Variants in NHSL2 observed in about 807,000 individuals in gnomAD.
NHSL2 encodes the protein NHS like 2, also known as NHS-like protein 2.
NHSL2 carries 27 observed loss-of-function variants against 53.4 expected under a neutral mutation model. The observed-to-expected ratio is 0.51, with a 90% CI of 0.37 to 0.70. The LOEUF is 0.70. NHSL2 is among the 30% of genes least tolerant of loss of function. The pLI is 0.00. For missense variants in NHSL2, 892 were observed against 980.1 expected (o/e 0.91, Z 1.20); for synonymous variants, 408 against 404.1 (o/e 1.01, Z -0.12).
rs952394930 is a variant in NHSL2, at chrX:72,133,075, A to C, written c.436+841A>C. Reference sequence around the variant, plus strand: ...GATAACAAAGGACTTGCCACACAGAAAAAGAGTCGATGTGCTCTGTGTTGC... The same window carrying C: ...GATAACAAAGGACTTGCCACACAGACAAAGAGTCGATGTGCTCTGTGTTGC... On this transcript the variant is annotated intron_variant, in intron 2 of 7. Transcript: ENST00000633930. Among the ~76,000 whole-genome samples, 4 of 112,492 alleles carry C rather than the reference A, an allele frequency of 3.6e-5. No homozygotes were observed. In the Admixed American group the frequency reaches 3.7e-4, roughly 10 times the overall value.
At chrX:72,137,009 CCA>C in intron 4 of NHSL2, 83 bp from the exon 5 acceptor site, 2 of 776,162 alleles carry the variant, frequency 2.6e-6, no homozygotes, top group Non-Finnish European at 3.7e-6. Flanking sequence ...ATCACGACTG[CCA>C]TCATTCTCTT....
intron 1 of NHSL2, among the ~76,000 whole-genome samples, chrX:71,991,848 C>CTCTCTCTCTG (rs776360819): frequency 2.0e-4 from 22 of 108,853 alleles, no homozygotes; most frequent in African/African-American, 6.7e-4. Context: ...CTCTCTCTCT[C>CTCTCTCTCTG]TCTGTCTTTG....
intron 1 of NHSL2, among the ~76,000 whole-genome samples, chrX:71,980,187 A>G (rs1354781115): frequency 9.0e-6 from 1 of 111,630 alleles, no homozygotes; most frequent in African/African-American, 3.3e-5. Context: ...GTTTGAAGTC[A>G]GGTAGTGTGA....
At chrX:72,060,671 C>T (rs773748099) in intron 1 of NHSL2, among the ~76,000 whole-genome samples, 3 of 112,245 alleles carry the variant, frequency 2.7e-5, no homozygotes, top group African/African-American at 9.7e-5. Flanking sequence ...GACTCCTCAT[C>T]GACAAACATA....
At chrX:72,052,365 T>C (rs1294942883) in intron 1 of NHSL2, among the ~76,000 whole-genome samples, 3 of 112,606 alleles carry the variant, frequency 2.7e-5, no homozygotes, top group African/African-American at 9.7e-5. Flanking sequence ...CGAGCTTGCT[T>C]GCATGGCAGG....
At chrX:71,984,984 C>T (rs1017687585) in intron 1 of NHSL2, among the ~76,000 whole-genome samples, 6 of 110,560 alleles carry the variant, frequency 5.4e-5, no homozygotes, top group South Asian at 3.9e-4. Context: ...CCACCATGCC[C>T]GGCTAAGTTT....
At chrX:72,012,681 C>T (rs748479676) in intron 1 of NHSL2, among the ~76,000 whole-genome samples, 3 of 112,611 alleles carry the variant, frequency 2.7e-5, no homozygotes, top group African/African-American at 6.5e-5. Context: ...CCCTAGGCTC[C>T]GGGAATCAGG....
At chrX:72,102,325 G>A (rs2042001520) in intron 1 of NHSL2, among the ~76,000 whole-genome samples, 1 of 112,033 alleles carries the variant, frequency 8.9e-6, no homozygotes, top group Admixed American at 9.4e-5. Context: ...GAGTCTCGAA[G>A]CCTTGCAGTG....
rs1489684500 is a variant in NHSL2 at position 72,142,655 on chromosome X, G to A, written c.3356+291G>A. On this transcript the variant is annotated intron_variant, in intron 7 of 7. Transcript: ENST00000633930. ...CCAGGTGCCGAGTGAGAGGCCCCTC[G>A]TCTCCTAGCAACCACTTGGCCTATT... is the stretch of plus-strand genomic sequence containing the variant. Among the ~76,000 whole-genome samples the A allele has an allele frequency of 3.6e-5, 4 of 110,116 alleles. No individual in the cohort carries two copies. In the Admixed American group the frequency reaches 3.9e-4, roughly 11 times the overall value.
intron 2 of NHSL2, among the ~76,000 whole-genome samples, chrX:72,132,746 C>T (rs776264808): frequency 1.3e-4 from 15 of 111,621 alleles, no homozygotes; most frequent in African/African-American, 4.9e-4. Flanking sequence ...TTTTGTCCCC[C>T]CTAACCAAGC....
intron 1 of NHSL2, among the ~76,000 whole-genome samples, chrX:72,091,650 T>A (rs892600081): frequency 2.7e-5 from 3 of 110,530 alleles, no homozygotes; most frequent in Non-Finnish European, 5.7e-5. Context: ...GGGAGTGTGG[T>A]CAGGGAAGGC....
At position 72,139,821 on chromosome X, in the gene NHSL2, C is replaced by A. The variant is rs141971902; in HGVS notation, c.2273C>A (p.Thr758Lys). Reference sequence around the variant, plus strand: ...GAGAGGAAGTCATCACTACCCCCGACGTCACCAATGGAGAAATTTCCCAAG... The same window carrying A: ...GAGAGGAAGTCATCACTACCCCCGAAGTCACCAATGGAGAAATTTCCCAAG... ...VPERKSSLPP[T>K]SPMEKFPKSR... Residue 758 changes from threonine to lysine, a missense_variant, in exon 6 of 8, where the codon ACG (threonine) becomes AAG (lysine). By Grantham distance (78) the Thr-to-Lys change is moderately conservative. Coordinates refer to ENST00000633930, the MANE Select transcript of NHSL2 (RefSeq NM_001013627.3). 1.7e-5 allele frequency: 20 copies of A among 1,208,305 alleles called. No homozygotes were observed. Among genetic ancestry groups the A allele is most frequent in the Non-Finnish European group, 2.1e-5 (19 of 894,027 alleles).
At chrX:71,912,141 A>G (rs749974420) in intron 1 of NHSL2, among the ~76,000 whole-genome samples, 1 of 112,710 alleles carries the variant, frequency 8.9e-6, no homozygotes, top group Admixed American at 9.3e-5. Flanking sequence ...TGCCTGAGAA[A>G]CCAGGTTCCA....
chrX:72,129,164 ACAGT>A (rs1339598636), intron 1 of NHSL2: 1 of 113,140 alleles, frequency 8.8e-6, no homozygotes, highest in African/African-American at 3.2e-5. Context: ...ACCAGCCTGC[ACAGT>A]CAGTCAAGGG....
At chrX:71,941,018 C>T (rs965223485) in intron 1 of NHSL2, among the ~76,000 whole-genome samples, 2 of 111,506 alleles carry the variant, frequency 1.8e-5, no homozygotes, top group Admixed American at 1.9e-4. Flanking sequence ...AAGAAAGGTG[C>T]GGATGTCGGT....
rs754665881 is a variant in NHSL2 at position 72,084,093 on chromosome X, GC to G, written c.281-47985del. Among the ~76,000 whole-genome samples the G allele has an allele frequency of 1.7e-3, 190 of 112,581 alleles. 2 individuals are homozygous for G. Among genetic ancestry groups the G allele is most frequent in the African/African-American group, 5.8e-3 (181 of 30,990 alleles). On this transcript the variant is annotated intron_variant, in intron 1 of 7. Transcript: ENST00000633930. ...AATCCCCCAGGTTAAGTTCAGCTTA[GC>G]ACCAGGTTCATGTCTCTATTGTAGC...
chrX:71,911,587 C>T (rs2041602953), intron 1 of NHSL2, among the ~76,000 whole-genome samples: 2 of 112,301 alleles, frequency 1.8e-5, no homozygotes, highest in African/African-American at 6.5e-5. Flanking sequence ...TCGCGCCGTC[C>T]GGAGTGGCCC....
intron 1 of NHSL2, among the ~76,000 whole-genome samples, chrX:72,020,287 G>A (rs1199985770): frequency 1.8e-5 from 2 of 112,122 alleles, no homozygotes; most frequent in Admixed American, 9.4e-5. Context: ...GACACAGATC[G>A]CTGTGAGTCT....
chrX:71,927,360 G>A (rs928911073), intron 1 of NHSL2, among the ~76,000 whole-genome samples: 4 of 111,565 alleles, frequency 3.6e-5, no homozygotes, highest in African/African-American at 6.5e-5. Flanking sequence ...AGCAGAAAGC[G>A]AGCTAGAGGA....
Sources: gnomAD v4.1 joint callset for allele counts (sites outside exome capture counted in the v4.1 genomes callset) on GRCh38, gnomAD v4.1.1 for gene constraint, MANE v1.5 for transcripts, NCBI Gene and HGNC (gene_info 2026-07-23, HGNC 2026-07-21) for gene names.